The following MATCAP2 variants were observed in gnomAD, a reference collection of about 807,000 sequenced individuals.
The protein encoded by MATCAP2 is putative tyrosine carboxypeptidase MATCAP2.
the MATCAP2 span, among the ~76,000 whole-genome samples, chr7:36,348,764 T>C: frequency 3.3e-5 from 5 of 152,052 alleles, no homozygotes; most frequent in East Asian, 1.9e-4. Context: ...AAAAGGGAAA[T>C]AGAAGTAGGG....
the MATCAP2 span, among the ~76,000 whole-genome samples, chr7:36,383,252 C>T: frequency 1.0e-3 from 157 of 152,218 alleles, no homozygotes; most frequent in Non-Finnish European, 1.9e-3. Flanking sequence ...GTTGTTGTTT[C>T]TTCATTATAA....
the MATCAP2 span, among the ~76,000 whole-genome samples, chr7:36,362,734 A>T: frequency 6.6e-6 from 1 of 152,144 alleles, no homozygotes; most frequent in Non-Finnish European, 1.5e-5. Context: ...CTCCGAACAT[A>T]CTTCTTCACA....
the MATCAP2 span, among the ~76,000 whole-genome samples, chr7:36,354,463 A>C: frequency 6.6e-6 from 1 of 152,242 alleles, no homozygotes; most frequent in Admixed American, 6.5e-5. Context: ...TCAGATTGTG[A>C]AACTCAAGAG....
At chr7:36,379,407 C>T in the MATCAP2 span, among the ~76,000 whole-genome samples, 3 of 152,206 alleles carry the variant, frequency 2.0e-5, no homozygotes, top group Non-Finnish European at 4.4e-5. Flanking sequence ...TATCTATCTA[C>T]GTGTACATAG....
At chr7:36,379,876 A>AGAGAGAGAGAGAGAGAGAG in the MATCAP2 span, among the ~76,000 whole-genome samples, 3 of 149,552 alleles carry the variant, frequency 2.0e-5, no homozygotes, top group South Asian at 2.1e-4. Context: ...AGAGAGAGAG[A>AGAGAGAGAGAGAGAGAGAG]ATATAAAGCC....
At chr7:36,328,925 C>T in the MATCAP2 span, among the ~76,000 whole-genome samples, 13 of 152,122 alleles carry the variant, frequency 8.5e-5, no homozygotes, top group Middle Eastern at 6.8e-3. Flanking sequence ...TGCCTGTAAT[C>T]TCAGCTACTC....
the MATCAP2 span, among the ~76,000 whole-genome samples, chr7:36,327,208 G>C: frequency 6.6e-6 from 1 of 152,072 alleles, no homozygotes; most frequent in Non-Finnish European, 1.5e-5. Flanking sequence ...GCGTGATCTT[G>C]GCTCACTGCA....
At chr7:36,361,678 C>T in the MATCAP2 span, among the ~76,000 whole-genome samples, 6 of 152,120 alleles carry the variant, frequency 3.9e-5, no homozygotes, top group Admixed American at 6.6e-5. Context: ...ACTACTTGAA[C>T]CCAGGAGTTT....
chr7:36,330,071 T>TTTATTTA, the MATCAP2 span, among the ~76,000 whole-genome samples: 14 of 20,096 alleles, frequency 7.0e-4, no homozygotes, highest in Non-Finnish European at 8.8e-4. Context: ...TTTTATTTTA[T>TTTATTTA]TTTATTTATT....
chr7:36,387,405 TCATAA>T, the MATCAP2 span, among the ~76,000 whole-genome samples: 3 of 152,218 alleles, frequency 2.0e-5, no homozygotes, highest in African/African-American at 4.8e-5. Flanking sequence ...TTATTGTATT[TCATAA>T]CATAATTTTT....
chr7:36,362,089 G>T, the MATCAP2 span, among the ~76,000 whole-genome samples: 2 of 152,168 alleles, frequency 1.3e-5, no homozygotes, highest in Admixed American at 1.3e-4. Flanking sequence ...TATGTACAAA[G>T]TCATTGGGCT....
At chr7:36,337,123 A>AAAAAAAAAAAAAAAAC in the MATCAP2 span, among the ~76,000 whole-genome samples, 3 of 145,484 alleles carry the variant, frequency 2.1e-5, no homozygotes, top group Admixed American at 1.4e-4. Flanking sequence ...AAAAAAAAAA[A>AAAAAAAAAAAAAAAAC]AAGCAATCAG....
At chr7:36,348,958 T>G in the MATCAP2 span, among the ~76,000 whole-genome samples, 5 of 152,120 alleles carry the variant, frequency 3.3e-5, no homozygotes, top group Non-Finnish European at 7.4e-5. Flanking sequence ...ATAGCTGAAA[T>G]AAGAAAAACA....
the MATCAP2 span, among the ~76,000 whole-genome samples, chr7:36,374,319 A>T: frequency 6.6e-6 from 1 of 151,472 alleles, no homozygotes; most frequent in South Asian, 2.1e-4. Context: ...GACTCAAGTG[A>T]TCCTCCTGCC....
the MATCAP2 span, among the ~76,000 whole-genome samples, chr7:36,374,810 T>C: frequency 6.6e-6 from 1 of 152,202 alleles, no homozygotes; most frequent in Admixed American, 6.5e-5. Flanking sequence ...GTCCTTGGGA[T>C]AGTTTGCTCA....
chr7:36,388,855 C>T, the MATCAP2 span, among the ~76,000 whole-genome samples: 1 of 152,202 alleles, frequency 6.6e-6, no homozygotes, highest in Non-Finnish European at 1.5e-5. Context: ...ACACTGTACA[C>T]AGTTGGATGG....
chr7:36,371,554 A>G, the MATCAP2 span, among the ~76,000 whole-genome samples: 22 of 152,326 alleles, frequency 1.4e-4, no homozygotes, highest in East Asian at 4.0e-3. Context: ...CCATCTGTGT[A>G]ATAAAAGAAG....
At chr7:36,355,846 T>C in the MATCAP2 span, 1 of 152,348 alleles carries the variant, frequency 6.6e-6, no homozygotes, top group South Asian at 2.1e-4. Flanking sequence ...CTTTATGATC[T>C]CAAAACTATG....
At chr7:36,334,162 C>T in the MATCAP2 span, 1 of 1,582,864 alleles carries the variant, frequency 6.3e-7, no homozygotes, top group South Asian at 1.1e-5. Context: ...TAATGTGTAC[C>T]TATGGAGAAG....
Sources: allele counts gnomAD v4.1 joint callset (sites outside exome capture counted in the v4.1 genomes callset), GRCh38; gene constraint gnomAD v4.1.1; transcripts MANE v1.5; gene names NCBI Gene and HGNC (gene_info 2026-07-23, HGNC 2026-07-21).